DGKG: variants seen among roughly 807,000 people sequenced by gnomAD.
DGKG encodes the protein diacylglycerol kinase gamma.
DGKG carries 78 observed loss-of-function variants against 105.3 expected under a neutral mutation model. That is an observed-to-expected ratio of 0.74 (90% CI 0.62 to 0.89). The LOEUF (loss-of-function observed/expected upper bound fraction) is 0.89, where lower values mean the gene tolerates loss of function less well. Among genes scored for constraint, DGKG ranks in the 40% least tolerant of loss-of-function variants. DGKG has a pLI of 0.00. For missense variants in DGKG, 958 were observed against 1,020.1 expected, an observed-to-expected ratio of 0.94 and a Z score of 0.83; for synonymous variants, 346 against 367.1, an observed-to-expected ratio of 0.94 and a Z score of 0.66.
At position 186,298,112 on chromosome 3, in the gene DGKG, A is replaced by G; in HGVS notation, c.262T>C (p.Ser88Pro). The change falls in exon 4 of 25, where the codon TCT (serine) becomes CCT (proline). Residue 88 changes from serine to proline, a missense_variant. Coordinates refer to ENST00000265022, the MANE Select transcript of DGKG (RefSeq NM_001346.3). ...AFSQKPRHET[S>P]DHPTEGASNS... ...CTGGCTCCCTCCGTCGGGTGGTCAGAGGTCTCGTGTCTGGGCTTCTGGCTG... is the reference window on the plus strand; with the variant it reads ...CTGGCTCCCTCCGTCGGGTGGTCAGGGGTCTCGTGTCTGGGCTTCTGGCTG... The G allele has an allele frequency of 1.2e-6, 2 of 1,613,972 alleles. No homozygotes were observed. Among genetic ancestry groups the G allele is most frequent in the Non-Finnish European group, 8.5e-7 (1 of 1,179,948 alleles).
At chr3:186,323,288 A>T (rs1019801860) in intron 1 of DGKG, among the ~76,000 whole-genome samples, 1 of 152,196 alleles carries the variant, frequency 6.6e-6, no homozygotes, top group Non-Finnish European at 1.5e-5. Flanking sequence ...GGAATCTAGC[A>T]TTGCAACCAC....
At chr3:186,211,938 G>T in intron 20 of DGKG, 53 bp from the exon 21 acceptor site, 1 of 1,419,348 alleles carries the variant, frequency 7.0e-7, no homozygotes, top group Non-Finnish European at 1.0e-6. Flanking sequence ...AAATGCTCAT[G>T]TAAAATAGCT....
At chr3:186,282,232 G>C (rs1488652745) in intron 7 of DGKG, among the ~76,000 whole-genome samples, 3 of 152,120 alleles carry the variant, frequency 2.0e-5, no homozygotes, top group Non-Finnish European at 4.4e-5. Context: ...GCAGAAGCAG[G>C]TTTTGAGTTG....
chr3:186,271,740 C>T (rs561192107), intron 11 of DGKG, among the ~76,000 whole-genome samples: 1 of 152,294 alleles, frequency 6.6e-6, no homozygotes, highest in African/African-American at 2.4e-5. Flanking sequence ...TCCTCTGCCC[C>T]AGCTATGCCA....
At chr3:186,211,728 G>T (rs898447939) in intron 21 of DGKG, 67 bp downstream of exon 21, 4 of 1,157,610 alleles carry the variant, frequency 3.5e-6, no homozygotes, top group South Asian at 1.2e-5. Context: ...GATACATCCT[G>T]TGCATGTGTG....
intron 1 of DGKG, among the ~76,000 whole-genome samples, chr3:186,338,012 T>A (rs1302020535): frequency 6.6e-6 from 1 of 151,276 alleles, no homozygotes. Context: ...CTACAAAAAA[T>A]TTTAAAAATG....
At chr3:186,246,985 A>G (rs1271307104) in intron 19 of DGKG, among the ~76,000 whole-genome samples, 1 of 152,164 alleles carries the variant, frequency 6.6e-6, no homozygotes. Flanking sequence ...CTTGGGAATT[A>G]TTTTGTAGTC....
chr3:186,322,080 A>C (rs532705255), intron 1 of DGKG, among the ~76,000 whole-genome samples: 1 of 152,092 alleles, frequency 6.6e-6, no homozygotes, highest in Non-Finnish European at 1.5e-5. Context: ...AGACTCTCTT[A>C]TGTTTCTGGG....
At chr3:186,269,044 T>A in intron 11 of DGKG, 127 bp from the exon 12 acceptor site, 1 of 658,182 alleles carries the variant, frequency 1.5e-6, no homozygotes, top group Admixed American at 2.4e-5. Context: ...ATTTAGAGGA[T>A]GCTTATTGGA....
At chr3:186,342,448 C>A (rs1266913359) in intron 1 of DGKG, among the ~76,000 whole-genome samples, 1 of 152,192 alleles carries the variant, frequency 6.6e-6, no homozygotes, top group East Asian at 1.9e-4. Context: ...GCAAAACGCC[C>A]TTTTCAGCTA....
intron 21 of DGKG, among the ~76,000 whole-genome samples, chr3:186,189,544 A>G (rs75824475): frequency 0.077 from 11,741 of 152,266 alleles, 1,488 homozygotes; most frequent in African/African-American, 0.27. Flanking sequence ...AGTACAAAGT[A>G]CATGGTCTTT....
intron 1 of DGKG, among the ~76,000 whole-genome samples, chr3:186,339,087 C>T (rs1725966733): frequency 6.6e-6 from 1 of 152,204 alleles, no homozygotes; most frequent in Non-Finnish European, 1.5e-5. Flanking sequence ...ACCTTGAAAT[C>T]CTGTTCTATC....
rs1343410186 is a variant in DGKG at position 186,299,826 on chromosome 3, T to C, written c.145-1597A>G. Among the ~76,000 whole-genome samples the C allele has an allele frequency of 8.7e-5, 8 of 91,494 alleles. 1 individual carries two copies. Among genetic ancestry groups the C allele is most frequent in the African/African-American group, 2.9e-4 (8 of 27,400 alleles). 60.0% of individuals were successfully genotyped at this position (91,494 alleles called of 152,430 possible). A position where few individuals can be genotyped will look rare whatever the true frequency, so the allele number is the denominator to read the frequency against. On this transcript the variant is annotated intron_variant, in intron 3 of 24. Coordinates refer to ENST00000265022, the MANE Select transcript of DGKG (RefSeq NM_001346.3). The stretch of plus-strand genomic sequence containing the variant: ...CTTTCTTTCTTTCTTTCTTTCTTTC[T>C]TTCTTTCTTTCTTTTTTTTTTTTTT...
chr3:186,160,599 G>A (rs144619253), intron 24 of DGKG: 22,363 of 985,358 alleles, frequency 0.023, 313 homozygotes, highest in Non-Finnish European at 0.026. Flanking sequence ...CCTTCCTTTA[G>A]TAGAAGACAA....
chr3:186,318,626 A>C (rs1455799735), intron 2 of DGKG, among the ~76,000 whole-genome samples: 1 of 152,176 alleles, frequency 6.6e-6, no homozygotes, highest in Admixed American at 6.6e-5. Flanking sequence ...GAAAGGGGGA[A>C]CTTTGGACAC....
At chr3:186,196,383 C>A (rs767253082) in intron 21 of DGKG, among the ~76,000 whole-genome samples, 1 of 152,168 alleles carries the variant, frequency 6.6e-6, no homozygotes, top group Non-Finnish European at 1.5e-5. Context: ...AGGTGTTCCA[C>A]CTGCCTTGGC....
At chr3:186,267,919 TGTGTGTGTGTGTGCAC>T in intron 12 of DGKG, 142 bp from the exon 13 acceptor site, 1 of 549,642 alleles carries the variant, frequency 1.8e-6, no homozygotes, top group Non-Finnish European at 3.3e-6. Context: ...AGTATTGCCG[TGTGTGTGTGTGTGCAC>T]GTGTGTGTGT....
In DGKG at chr3:186,147,934, T is replaced by TA. The variant is rs914818605; in HGVS notation, c.*2155dup. The TA allele has an allele frequency of 2.0e-6, 2 of 985,340 alleles. No homozygotes were observed. The highest frequency in any genetic ancestry group is 1.7e-5 in the African/African-American group (1 of 57,240). The allele number at this position is 985,340 out of a possible 1,614,324, so 61.0% of individuals were successfully genotyped here. A position where few individuals can be genotyped will look rare whatever the true frequency, so the allele number is the denominator to read the frequency against. ...TCTTCAGGTGGCCTGGTTTTCCCCT[T>TA]ACTTAGCATTCTGCACTGTTAGGTT... is the stretch of plus-strand genomic sequence containing the variant. On this transcript the variant is annotated 3_prime_UTR_variant, in exon 25 of 25. Coordinates refer to ENST00000265022, the MANE Select transcript of DGKG (RefSeq NM_001346.3).
intron 1 of DGKG, among the ~76,000 whole-genome samples, chr3:186,353,320 G>C (rs954833801): frequency 6.6e-6 from 1 of 151,820 alleles, no homozygotes; most frequent in Non-Finnish European, 1.5e-5. Context: ...TCAGGAGTTC[G>C]AGACCAGCCT....
Sources: gnomAD v4.1 joint callset for allele counts (sites outside exome capture counted in the v4.1 genomes callset) on GRCh38, gnomAD v4.1.1 for gene constraint, MANE v1.5 for transcripts, NCBI Gene and HGNC (gene_info 2026-07-23, HGNC 2026-07-21) for gene names.